Variants in NXPE2 observed in about 807,000 individuals in gnomAD.
NXPE2 encodes the protein NXPE family member 2.
In NXPE2, 34 loss-of-function variants were observed where a neutral mutation model predicts 34.4. That is an observed-to-expected ratio of 0.99 (90% CI 0.75 to 1.31). The LOEUF is 1.31. Ranked by LOEUF, NXPE2 falls within the 40% of genes most tolerant of loss-of-function variation. NXPE2 has a pLI of 0.00. For missense variants in NXPE2, 649 were observed against 672.5 expected, an observed-to-expected ratio of 0.97 and a Z score of 0.39; for synonymous variants, 235 against 231.3, an observed-to-expected ratio of 1.02 and a Z score of -0.15.
the NXPE2 span, among the ~76,000 whole-genome samples, chr11:114,505,270 G>C: frequency 3.3e-5 from 5 of 152,146 alleles, no homozygotes; most frequent in South Asian, 4.1e-4. Flanking sequence ...TGAAAGAAAT[G>C]GGGAGAATGG....
the NXPE2 span, among the ~76,000 whole-genome samples, chr11:114,499,614 A>AT: frequency 6.6e-6 from 1 of 152,180 alleles, no homozygotes; most frequent in African/African-American, 2.4e-5. Context: ...AATTAGATGA[A>AT]TTTTTTAATG....
Position 114,706,590 on chromosome 11 carries a change from T to C in NXPE2, c.1340T>C (p.Val447Ala), listed in dbSNP as rs1169470359. The C allele has an allele frequency of 1.9e-6, 3 of 1,551,908 alleles. No homozygotes were observed. The East Asian group carries it at 7.3e-5, about 38-fold the overall frequency. Residue 447 changes from valine to alanine, a missense_variant, in exon 6 of 6, where the codon GTC becomes GCC. By Grantham distance (64) the Val-to-Ala change is moderately conservative. Coordinates refer to ENST00000389586, the MANE Select transcript of NXPE2 (RefSeq NM_182495.6). Reference sequence around the variant, plus strand: ...GCAGGAGACAAAAACACAGCCATTGTCATTACCCTCGGCCAACACTTCAGA... The same window carrying C: ...GCAGGAGACAAAAACACAGCCATTGCCATTACCCTCGGCCAACACTTCAGA... ...QVAGDKNTAI[V>A]ITLGQHFRPF...
chr11:114,497,892 G>A, the NXPE2 span, among the ~76,000 whole-genome samples: 61 of 152,036 alleles, frequency 4.0e-4, no homozygotes, highest in African/African-American at 1.4e-3. Flanking sequence ...CATTTAAATT[G>A]CCTTATGTTT....
At chr11:114,632,764 T>TTA in the NXPE2 span, among the ~76,000 whole-genome samples, 1 of 8,470 alleles carries the variant, frequency 1.2e-4, no homozygotes, top group Non-Finnish European at 1.9e-4. Context: ...ATATCATATA[T>TTA]TATATAATTA....
chr11:114,735,619 T>C, the NXPE2 span, among the ~76,000 whole-genome samples: 2 of 152,206 alleles, frequency 1.3e-5, no homozygotes, highest in African/African-American at 4.8e-5. Context: ...CGTCAGATAT[T>C]ATAATCATTG....
At chr11:114,653,392 T>A in the NXPE2 span, among the ~76,000 whole-genome samples, 1 of 152,206 alleles carries the variant, frequency 6.6e-6, no homozygotes, top group South Asian at 2.1e-4. Context: ...ATAAACCATC[T>A]ATTTTTTTTC....
chr11:114,808,396 A>G, the NXPE2 span, among the ~76,000 whole-genome samples: 2 of 151,438 alleles, frequency 1.3e-5, no homozygotes, highest in African/African-American at 4.9e-5. Flanking sequence ...AAAATTAATG[A>G]ATCCAGGAGC....
At chr11:114,691,146 CTGGTTTTT>C (rs1279560863) in intron 2 of NXPE2, among the ~76,000 whole-genome samples, 1 of 152,142 alleles carries the variant, frequency 6.6e-6, no homozygotes, top group African/African-American at 2.4e-5. Flanking sequence ...ATGAAACACT[CTGGTTTTT>C]TGTATTGCCA....
the NXPE2 span, among the ~76,000 whole-genome samples, chr11:114,544,850 C>A: frequency 6.6e-6 from 1 of 151,932 alleles, no homozygotes; most frequent in African/African-American, 2.4e-5. Flanking sequence ...CTAGAATATA[C>A]AAAGAACTCT....
the NXPE2 span, among the ~76,000 whole-genome samples, chr11:114,638,736 C>T: frequency 9.9e-5 from 15 of 152,158 alleles, 1 homozygote; most frequent in African/African-American, 1.4e-4. Context: ...CTACTCCAGA[C>T]CCTGTTTGCC....
At chr11:114,747,601 T>C in the NXPE2 span, among the ~76,000 whole-genome samples, 2 of 152,260 alleles carry the variant, frequency 1.3e-5, no homozygotes, top group East Asian at 3.9e-4. Context: ...AGACACATCT[T>C]ACACAGTGGC....
At chr11:114,531,680 T>G in the NXPE2 span, among the ~76,000 whole-genome samples, 1 of 152,190 alleles carries the variant, frequency 6.6e-6, no homozygotes, top group Non-Finnish European at 1.5e-5. Flanking sequence ...CTTCTTTTAT[T>G]TTTAGGAGCT....
At chr11:114,473,050 A>G in the NXPE2 span, among the ~76,000 whole-genome samples, 2 of 152,192 alleles carry the variant, frequency 1.3e-5, no homozygotes, top group Non-Finnish European at 2.9e-5. Flanking sequence ...ATAATAACAG[A>G]CAACAATTGT....
chr11:114,770,322 C>T, the NXPE2 span, among the ~76,000 whole-genome samples: 1 of 152,194 alleles, frequency 6.6e-6, no homozygotes, highest in African/African-American at 2.4e-5. Context: ...ACCCCCTCCC[C>T]ATCTACCTCT....
At chr11:114,491,696 A>T in the NXPE2 span, among the ~76,000 whole-genome samples, 2 of 152,222 alleles carry the variant, frequency 1.3e-5, no homozygotes, top group Non-Finnish European at 2.9e-5. Context: ...GCTGCTATAA[A>T]GACACATGCA....
the NXPE2 span, chr11:114,551,910 T>C: frequency 6.6e-6 from 1 of 152,128 alleles, no homozygotes; most frequent in Non-Finnish European, 1.5e-5. Context: ...AGAAATAAAA[T>C]TATATGATTT....
the NXPE2 span, among the ~76,000 whole-genome samples, chr11:114,615,836 GGA>G: frequency 2.6e-5 from 4 of 151,690 alleles, no homozygotes; most frequent in African/African-American, 9.7e-5. Context: ...GTTACCCTGT[GGA>G]TAATAAGAGA....
At chr11:114,495,910 C>T in the NXPE2 span, among the ~76,000 whole-genome samples, 1 of 152,076 alleles carries the variant, frequency 6.6e-6, no homozygotes, top group Non-Finnish European at 1.5e-5. Context: ...CTTTACTTGT[C>T]TCTGTCCTCT....
chr11:114,776,968 T>C, the NXPE2 span, among the ~76,000 whole-genome samples: 1 of 152,336 alleles, frequency 6.6e-6, no homozygotes, highest in East Asian at 1.9e-4. Flanking sequence ...TTTGAAAACA[T>C]TATGAACTGA....
Sources: allele counts gnomAD v4.1 joint callset (sites outside exome capture counted in the v4.1 genomes callset), GRCh38; gene constraint gnomAD v4.1.1; transcripts MANE v1.5; gene names NCBI Gene and HGNC (gene_info 2026-07-23, HGNC 2026-07-21).